Variants in PRKD1 observed in about 807,000 individuals in gnomAD.
PRKD1 encodes the protein serine/threonine-protein kinase D1.
Under a neutral mutation model 95.9 loss-of-function variants are expected in PRKD1, and 63 were observed. The ratio of observed to expected loss-of-function variants is 0.66; its 90% confidence interval spans 0.54 to 0.81. PRKD1 has a LOEUF of 0.81. PRKD1 is among the 30% of genes least tolerant of loss of function. The pLI, the probability that PRKD1 is intolerant of heterozygous loss-of-function variation, is 0.00. For missense variants in PRKD1, 1,048 were observed against 1,165.3 expected (o/e 0.90, Z 1.47); for synonymous variants, 425 against 423.1 (o/e 1.00, Z -0.05).
intron 2 of PRKD1, among the ~76,000 whole-genome samples, chr14:29,714,572 T>A (rs1319377699): frequency 6.6e-6 from 1 of 152,148 alleles, no homozygotes; most frequent in Non-Finnish European, 1.5e-5. Flanking sequence ...GATCTAGAAC[T>A]AGAAATATCA....
chr14:29,730,957 T>C lies in PRKD1; in HGVS notation c.265-5283A>G, dbSNP rs113705567. ...ATAATGAGGTGACTATAGATAATAATATTATATTGTATTTTTGAAAGTCAC... is the reference window on the plus strand; with the variant it reads ...ATAATGAGGTGACTATAGATAATAACATTATATTGTATTTTTGAAAGTCAC... On this transcript the variant is annotated intron_variant, in intron 1 of 17. Coordinates refer to ENST00000331968, the MANE Select transcript of PRKD1 (RefSeq NM_002742.3). Among the ~76,000 whole-genome samples the C allele has an allele frequency of 4.3e-3, 657 of 152,162 alleles. 6 individuals carry two copies. Among genetic ancestry groups the C allele is most frequent in the African/African-American group, 0.015 (624 of 41,528 alleles).
chr14:29,858,862 GA>G (rs1892603181), intron 1 of PRKD1, among the ~76,000 whole-genome samples: 1 of 152,052 alleles, frequency 6.6e-6, no homozygotes, highest in African/African-American at 2.4e-5. Flanking sequence ...AAAATGCTGG[GA>G]GGGGGCACTA....
intron 1 of PRKD1, among the ~76,000 whole-genome samples, chr14:29,767,155 C>T (rs1036540287): frequency 3.3e-5 from 5 of 151,996 alleles, no homozygotes; most frequent in African/African-American, 1.2e-4. Flanking sequence ...TCTCCTACAA[C>T]AAAAAACCTG....
At chr14:29,703,771 G>A (rs1884952041) in intron 2 of PRKD1, among the ~76,000 whole-genome samples, 1 of 152,020 alleles carries the variant, frequency 6.6e-6, no homozygotes, top group Non-Finnish European at 1.5e-5. Flanking sequence ...CAATACAGAG[G>A]GAATAAACAT....
At chr14:29,805,005 C>T (rs780699854) in intron 1 of PRKD1, among the ~76,000 whole-genome samples, 3 of 152,150 alleles carry the variant, frequency 2.0e-5, no homozygotes, top group Admixed American at 6.5e-5. Context: ...CTTCCTATTT[C>T]CCTAGAGCAG....
chr14:29,703,341 T>C (rs1222798472), intron 2 of PRKD1, among the ~76,000 whole-genome samples: 9 of 152,148 alleles, frequency 5.9e-5, no homozygotes, highest in African/African-American at 2.4e-5. Flanking sequence ...CTGCACAGGG[T>C]ATGACAGCTA....
intron 1 of PRKD1, among the ~76,000 whole-genome samples, chr14:29,885,851 C>T (rs1893687479): frequency 1.4e-5 from 2 of 144,964 alleles, no homozygotes; most frequent in South Asian, 4.5e-4. Flanking sequence ...TGGTGGCACG[C>T]ACCTACTCAG....
At chr14:29,784,241 A>G (rs1225541729) in intron 1 of PRKD1, among the ~76,000 whole-genome samples, 1 of 151,336 alleles carries the variant, frequency 6.6e-6, no homozygotes, top group Admixed American at 6.6e-5. Flanking sequence ...TTTCCCCAGT[A>G]TATGCTCTTG....
At chr14:29,616,199 G>A (rs971171071) in intron 13 of PRKD1, among the ~76,000 whole-genome samples, 2 of 105,298 alleles carry the variant, frequency 1.9e-5, no homozygotes, top group African/African-American at 7.6e-5. Flanking sequence ...TGAGAAGAGA[G>A]ATTTAAAAAG....
intron 4 of PRKD1, among the ~76,000 whole-genome samples, chr14:29,644,601 T>C (rs576305277): frequency 1.6e-4 from 25 of 151,880 alleles, no homozygotes; most frequent in African/African-American, 5.8e-4. Context: ...AAAAAAAAAA[T>C]TTAAAAACTT....
At chr14:29,678,431 A>C (rs1883352039) in intron 2 of PRKD1, among the ~76,000 whole-genome samples, 1 of 152,158 alleles carries the variant, frequency 6.6e-6, no homozygotes, top group African/African-American at 2.4e-5. Flanking sequence ...TTGATAGTAA[A>C]ATTCTGGAAT....
At chr14:29,628,011 T>C (rs570427582) in intron 11 of PRKD1, among the ~76,000 whole-genome samples, 74 of 152,304 alleles carry the variant, frequency 4.9e-4, no homozygotes, top group African/African-American at 1.8e-3. Flanking sequence ...TCCACAGCTA[T>C]CAGGAATTTC....
At chr14:29,910,288 C>T (rs575410028) in intron 1 of PRKD1, among the ~76,000 whole-genome samples, 6 of 152,166 alleles carry the variant, frequency 3.9e-5, no homozygotes, top group Admixed American at 1.3e-4. Flanking sequence ...ACACTCACCG[C>T]GAAGGTCTGC....
At chr14:29,752,215 T>G (rs1404957034) in intron 1 of PRKD1, among the ~76,000 whole-genome samples, 1 of 152,220 alleles carries the variant, frequency 6.6e-6, no homozygotes, top group Non-Finnish European at 1.5e-5. Flanking sequence ...ATTTGTAAAT[T>G]ATATGCTACA....
chr14:29,638,873 C>A lies in PRKD1; in HGVS notation c.728G>T (p.Arg243Leu), dbSNP rs754654624. Residue 243 changes from arginine (R) to leucine (L), a missense_variant, in exon 5 of 18, where the codon CGA becomes CTA. By Grantham distance (102) the Arg-to-Leu change is moderately radical (BLOSUM62 -2). Around this residue, in one of 3 missense-constraint regions of PRKD1, gnomAD observed 739 missense variants for 861.9 expected, o/e 0.86. Transcript: ENST00000331968. ...TGATTGAGAATTTGACCTCTTCTCT[C>A]GACCAATAAACGACTCTGATGGTGA... ...QKSPSESFIG[R>L]EKRSNSQSYI... is the part of the protein sequence containing the mutation. 20 of 1,613,800 alleles carry A rather than the reference C, an allele frequency of 1.2e-5. No homozygotes were observed. The highest frequency in any genetic ancestry group is 1.6e-5 in the Non-Finnish European group (19 of 1,179,840).
chr14:29,604,880 T>C lies in PRKD1; in HGVS notation c.1906-5063A>G, dbSNP rs112955562. ...TTCAATTGTCTTTGGGGTATGTTCATTTAAATGGAAGAGGTCCAACAATGA... is the reference window on the plus strand; with the variant it reads ...TTCAATTGTCTTTGGGGTATGTTCACTTAAATGGAAGAGGTCCAACAATGA... On this transcript the variant is annotated intron_variant, in intron 13 of 17. Coordinates refer to ENST00000331968, the MANE Select transcript of PRKD1 (RefSeq NM_002742.3). Among the ~76,000 whole-genome samples, 733 of 152,308 alleles carry C rather than the reference T, an allele frequency of 4.8e-3. 8 individuals carry two copies. Among genetic ancestry groups the C allele is most frequent in the African/African-American group, 0.016 (680 of 41,552 alleles).
At chr14:29,638,615 G>C (rs1434501307) in intron 5 of PRKD1, 49 bp from the exon 6 acceptor site, 1 of 1,612,820 alleles carries the variant, frequency 6.2e-7, no homozygotes, top group Admixed American at 1.7e-5. Flanking sequence ...TTGTCATAAA[G>C]AAAAGTGGTA....
At chr14:29,640,973 TTTC>T in intron 4 of PRKD1, among the ~76,000 whole-genome samples, 1 of 152,224 alleles carries the variant, frequency 6.6e-6, no homozygotes, top group Non-Finnish European at 1.5e-5. Context: ...AACTGAATAT[TTTC>T]TTTTCATCCA....
chr14:29,622,067 T>G (rs1391479977), intron 13 of PRKD1, among the ~76,000 whole-genome samples: 2 of 152,104 alleles, frequency 1.3e-5, no homozygotes. Flanking sequence ...GGAAGACAGT[T>G]TTTCCATGGG....
Sources: allele counts gnomAD v4.1 joint callset (sites outside exome capture counted in the v4.1 genomes callset), GRCh38; gene constraint gnomAD v4.1.1; regional missense constraint gnomAD v4.1.1; transcripts MANE v1.5; gene names NCBI Gene and HGNC (gene_info 2026-07-23, HGNC 2026-07-21).